ESRRG: variants seen among roughly 807,000 people sequenced by gnomAD.
ESRRG encodes the protein estrogen related receptor gamma.
ESRRG carries 13 observed loss-of-function variants against 44.0 expected under a neutral mutation model. That is an observed-to-expected ratio of 0.30 (90% CI 0.19 to 0.47). The LOEUF (loss-of-function observed/expected upper bound fraction) is 0.47. Among genes scored for constraint, ESRRG ranks in the 20% least tolerant of loss-of-function variants. The pLI is 1.00. For missense variants in ESRRG, 395 were observed against 580.6 expected (o/e 0.68, Z 3.29); for synonymous variants, 215 against 214.6 (o/e 1.00, Z -0.02).
intron 1 of ESRRG, among the ~76,000 whole-genome samples, chr1:216,697,210 C>A (rs1247684392): frequency 6.6e-6 from 1 of 152,156 alleles, no homozygotes; most frequent in African/African-American, 2.4e-5. Context: ...AAGTGATCCA[C>A]CCGCCTTGGC....
At chr1:216,893,881 A>G (rs1055992810) in intron 2 of ESRRG, among the ~76,000 whole-genome samples, 1 of 152,202 alleles carries the variant, frequency 6.6e-6, no homozygotes, top group African/African-American at 2.4e-5. Context: ...AATCGAATGC[A>G]CCAAACTACA....
chr1:216,536,979 G>C (rs1375449160), intron 5 of ESRRG, among the ~76,000 whole-genome samples: 1 of 152,026 alleles, frequency 6.6e-6, no homozygotes, highest in Non-Finnish European at 1.5e-5. Flanking sequence ...GTGGGAGAGG[G>C]GGTCAAGGAA....
At chr1:216,728,657 AATAT>A (rs1325803613) in intron 2 of ESRRG, among the ~76,000 whole-genome samples, 1 of 151,982 alleles carries the variant, frequency 6.6e-6, no homozygotes, top group African/African-American at 2.4e-5. Flanking sequence ...TGAGTCTAAA[AATAT>A]ATATATCATA....
intron 1 of ESRRG, among the ~76,000 whole-genome samples, chr1:216,679,430 C>G (rs1216117651): frequency 6.6e-6 from 1 of 152,062 alleles, no homozygotes; most frequent in African/African-American, 2.4e-5. Context: ...GCACTTACAC[C>G]ACCACTTCAC....
At chr1:217,068,383 G>A (rs962641463) in intron 1 of ESRRG, among the ~76,000 whole-genome samples, 24 of 150,242 alleles carry the variant, frequency 1.6e-4, no homozygotes, top group Admixed American at 4.0e-4. Context: ...CTCCAGGGGC[G>A]TTTAATCCCC....
chr1:216,653,662 C>T (rs543544997), intron 2 of ESRRG, among the ~76,000 whole-genome samples: 20 of 152,282 alleles, frequency 1.3e-4, no homozygotes, highest in Non-Finnish European at 1.3e-4. Flanking sequence ...ATGAAAACTT[C>T]TCTGACTATC....
intron 2 of ESRRG, among the ~76,000 whole-genome samples, chr1:216,816,783 C>T (rs1484930588): frequency 6.6e-6 from 1 of 152,030 alleles, no homozygotes; most frequent in Non-Finnish European, 1.5e-5. Context: ...AAACAAGTCC[C>T]CCTAAAAAGA....
intron 3 of ESRRG, among the ~76,000 whole-genome samples, chr1:216,596,664 C>T (rs775112255): frequency 2.0e-5 from 3 of 152,166 alleles, no homozygotes; most frequent in East Asian, 1.9e-4. Flanking sequence ...GTGAGCTGAA[C>T]GTTTCACATG....
intron 2 of ESRRG, among the ~76,000 whole-genome samples, chr1:216,872,008 C>T (rs115114470): frequency 0.015 from 2,331 of 152,156 alleles, 74 homozygotes; most frequent in African/African-American, 0.054. Context: ...GCAACAAATT[C>T]CCTTAATTCT....
chr1:217,023,735 C>G (rs1236295284), intron 1 of ESRRG, among the ~76,000 whole-genome samples: 4 of 152,214 alleles, frequency 2.6e-5, no homozygotes, highest in African/African-American at 7.2e-5. Flanking sequence ...TGCCCACTCA[C>G]TTCCCCACCC....
At chr1:217,078,756 A>G (rs2151500864) in intron 1 of ESRRG, among the ~76,000 whole-genome samples, 1 of 152,282 alleles carries the variant, frequency 6.6e-6, no homozygotes, top group African/African-American at 2.4e-5. Flanking sequence ...TCTTATAGAA[A>G]CCTTTGTATG....
chr1:216,745,807 A>G (rs1013058248), intron 2 of ESRRG, among the ~76,000 whole-genome samples: 2 of 152,212 alleles, frequency 1.3e-5, no homozygotes, highest in African/African-American at 4.8e-5. Flanking sequence ...TTTAAATTGT[A>G]TTATGGTGAT....
chr1:217,106,959 A>T (rs1474775501), intron 1 of ESRRG, among the ~76,000 whole-genome samples: 2 of 152,114 alleles, frequency 1.3e-5, no homozygotes, highest in African/African-American at 4.8e-5. Flanking sequence ...TTCGTCACCT[A>T]CCTGGAACAA....
In ESRRG at chr1:216,679,646, T is replaced by TTTA. The variant is rs1307389312; in HGVS notation, c.57-2156_57-2155insTAA. 2.6e-5 allele frequency among the ~76,000 whole-genome samples: 4 copies of TTTA among 151,560 alleles called. No individual in the cohort carries two copies. In the East Asian group the frequency reaches 7.7e-4, roughly 29 times the overall value. On this transcript the variant is annotated intron_variant, in intron 1 of 6. Transcript: ENST00000408911. ...AATTTTTTTTTTCTTTTTTTTTTTT[T>TTTA]TATCCAGAGGAGAGTTGCTTGGGGC...
intron 3 of ESRRG, among the ~76,000 whole-genome samples, chr1:216,628,954 G>A (rs931032062): frequency 3.3e-5 from 5 of 152,076 alleles, no homozygotes; most frequent in African/African-American, 1.2e-4. Context: ...CTCTGAGCTT[G>A]TGCAATGACT....
intron 2 of ESRRG, among the ~76,000 whole-genome samples, chr1:216,831,454 A>C (rs1216896060): frequency 6.6e-6 from 1 of 151,278 alleles, no homozygotes. Flanking sequence ...AAGGGAAAAC[A>C]AAGGTTTTTC....
At chr1:216,854,353 C>CAAAAAAAAAACAAAA (rs2095887978) in intron 2 of ESRRG, among the ~76,000 whole-genome samples, 1 of 67,100 alleles carries the variant, frequency 1.5e-5, no homozygotes, top group Non-Finnish European at 2.6e-5. Flanking sequence ...AAGACACCAT[C>CAAAAAAAAAACAAAA]AAAAAAAAAA....
intron 1 of ESRRG, among the ~76,000 whole-genome samples, chr1:216,716,800 T>A (rs1575684248): frequency 6.6e-6 from 1 of 151,990 alleles, no homozygotes; most frequent in South Asian, 2.1e-4. Context: ...TGTTTTCCTT[T>A]TCTATATTGT....
chr1:216,512,511 A>T (rs2043013892), intron 6 of ESRRG, among the ~76,000 whole-genome samples: 1 of 152,220 alleles, frequency 6.6e-6, no homozygotes, highest in Non-Finnish European at 1.5e-5. Flanking sequence ...CTAAGTATAC[A>T]CATTTATTTA....
Sources: gnomAD v4.1 joint callset for allele counts (sites outside exome capture counted in the v4.1 genomes callset) on GRCh38, gnomAD v4.1.1 for gene constraint, MANE v1.5 for transcripts, NCBI Gene and HGNC (gene_info 2026-07-23, HGNC 2026-07-21) for gene names.